The following GPATCH2L variants were observed in gnomAD, a reference collection of about 807,000 sequenced individuals.
GPATCH2L encodes the protein G patch domain-containing protein 2-like.
A neutral mutation model predicts 57.4 loss-of-function variants in GPATCH2L; 31 were observed. The ratio of observed to expected loss-of-function variants is 0.54; its 90% CI spans 0.41 to 0.73. The LOEUF (loss-of-function observed/expected upper bound fraction) is 0.73. Among genes scored for constraint, GPATCH2L ranks in the 30% least tolerant of loss-of-function variants. GPATCH2L has a pLI of 0.00. For synonymous variants in GPATCH2L, 199 were observed against 210.7 expected (o/e 0.94, Z 0.48); for missense variants, 481 against 599.9 (o/e 0.80, Z 2.07).
downstream of GPATCH2L, among the ~76,000 whole-genome samples, chr14:76,217,805 A>T (rs894274232): frequency 6.6e-6 from 1 of 152,204 alleles, no homozygotes; most frequent in African/African-American, 2.4e-5. Context: ...ACGTGAAAAG[A>T]TGCTCAACTT....
intron 3 of GPATCH2L, among the ~76,000 whole-genome samples, chr14:76,169,370 T>C (rs1189021741): frequency 1.3e-5 from 2 of 152,204 alleles, no homozygotes; most frequent in African/African-American, 2.4e-5. Context: ...AATAAATAAT[T>C]ATTTATAATC....
chr14:76,155,149 C>G (rs1316937142), intron 2 of GPATCH2L, 124 bp downstream of exon 2: 4 of 710,890 alleles, frequency 5.6e-6, no homozygotes, highest in African/African-American at 3.6e-5. Context: ...TTGAAGCCTT[C>G]CTTGAATCAA....
At chr14:76,168,144 C>G (rs1482248753) in intron 3 of GPATCH2L, among the ~76,000 whole-genome samples, 2 of 152,214 alleles carry the variant, frequency 1.3e-5, no homozygotes, top group Non-Finnish European at 2.9e-5. Context: ...GGATTTCTTG[C>G]TTCTCTGCCT....
intron 2 of GPATCH2L, among the ~76,000 whole-genome samples, chr14:76,165,938 G>T (rs2038815142): frequency 6.6e-6 from 1 of 152,214 alleles, no homozygotes; most frequent in African/African-American, 2.4e-5. Flanking sequence ...TAATACTGTA[G>T]AGGATTGAGA....
chr14:76,216,932 G>T (rs2040492510), downstream of GPATCH2L, among the ~76,000 whole-genome samples: 1 of 152,104 alleles, frequency 6.6e-6, no homozygotes, highest in Non-Finnish European at 1.5e-5. Context: ...GGAAAAGATG[G>T]ATTATAAAAA....
intron 8 of GPATCH2L, among the ~76,000 whole-genome samples, chr14:76,186,029 G>T (rs111463637): frequency 5.3e-5 from 8 of 151,906 alleles, no homozygotes; most frequent in Non-Finnish European, 8.8e-5. Context: ...GGTTGAATGG[G>T]GACCAAAATG....
rs1338908477 is a variant in GPATCH2L at position 76,205,074 on chromosome 14, A to T, written c.*3223A>T. The T allele has an allele frequency of 6.6e-6, 1 of 152,308 alleles. No individual in the cohort carries two copies. Among genetic ancestry groups the T allele is most frequent in the African/African-American group, 2.4e-5 (1 of 41,430 alleles). 9.4% of individuals were successfully genotyped at this position (152,308 alleles called of 1,614,324 possible). Reference sequence around the variant, plus strand: ...AACCTTGAACTCATAAGCTCAAGCCATCCTCCTGCCTCAGCCTCCTGAGTT... The same window carrying T: ...AACCTTGAACTCATAAGCTCAAGCCTTCCTCCTGCCTCAGCCTCCTGAGTT... On this transcript the variant is annotated 3_prime_UTR_variant, in exon 10 of 10. Transcript: ENST00000261530.
In GPATCH2L at chr14:76,160,311, A is replaced by G. The variant is rs929727658; in HGVS notation, c.662+5286A>G. On this transcript the variant is annotated intron_variant, in intron 2 of 9. Coordinates refer to ENST00000261530, the MANE Select transcript of GPATCH2L (RefSeq NM_017926.4). ...ATGCAGGGGCTTGCTATCTACCTTCAGGGCAGGCTCAGCACTTCTAACGTG... is the reference window on the plus strand; with the variant it reads ...ATGCAGGGGCTTGCTATCTACCTTCGGGGCAGGCTCAGCACTTCTAACGTG... Among the ~76,000 whole-genome samples, 9 of 152,202 alleles carry G rather than the reference A, an allele frequency of 5.9e-5. No homozygotes were observed. The East Asian group carries it at 9.6e-4, about 16-fold the overall frequency.
Position 76,171,890 on chromosome 14 carries a change from G to A in GPATCH2L, c.775G>A (p.Gly259Arg). The A allele has an allele frequency of 6.2e-7, 1 of 1,609,852 alleles. No homozygotes were observed. The highest frequency in any genetic ancestry group is 8.5e-7 in the Non-Finnish European group (1 of 1,177,078). The change falls in exon 4 of 10, where the codon GGA becomes AGA. Residue 259 changes from glycine to arginine, a missense_variant. This residue lies in a region of GPATCH2L where 25 missense variants were observed against 56.9 expected (regional missense o/e 0.44). Transcript: ENST00000261530. ...GTTCTATGAAGGAGAATGTGTCCCA[G>A]GATTCACTGTCCCTAATCTTCTGCC... The part of the protein sequence containing the change: ...DWFYEGECVP[G>R]FTVPNLLPKW...
intron 2 of GPATCH2L, among the ~76,000 whole-genome samples, chr14:76,156,846 T>C (rs2038331749): frequency 6.6e-6 from 1 of 152,254 alleles, no homozygotes; most frequent in Non-Finnish European, 1.5e-5. Context: ...GCCTGTTTTC[T>C]AGCATGAGAT....
intron 1 of GPATCH2L, among the ~76,000 whole-genome samples, chr14:76,222,588 C>T (rs895365838): frequency 3.3e-5 from 5 of 152,026 alleles, no homozygotes; most frequent in African/African-American, 1.2e-4. Flanking sequence ...GCCTGGACAA[C>T]CGGAGTGAGA....
In GPATCH2L at chr14:76,201,809, A is replaced by AT. The variant is rs762661668; in HGVS notation, c.1413dup (p.Lys472Ter). 8.1e-6 allele frequency: 13 copies of AT among 1,614,132 alleles called. 1 individual carries two copies. The South Asian group carries it at 1.1e-4, about 14-fold the overall frequency. ...AAGCCACAGACGCAACTACTGCTAC[A>AT]TTTTTTAAAATGCCACAAGAAAAGA... On this transcript the variant is annotated frameshift_variant, in exon 10 of 10. Transcript: ENST00000261530. LOFTEE classifies it high-confidence loss of function.
In GPATCH2L at chr14:76,213,712, G is replaced by A. The variant is rs930601439; in HGVS notation, c.*11861G>A. Reference sequence around the variant, plus strand: ...ACCTTTTTTAAAAAAAATAATTTTAGACTTAACAGAAAATCTGCAAAAATA... The same window carrying A: ...ACCTTTTTTAAAAAAAATAATTTTAAACTTAACAGAAAATCTGCAAAAATA... On this transcript the variant is annotated 3_prime_UTR_variant, in exon 10 of 10. Coordinates refer to ENST00000261530, the MANE Select transcript of GPATCH2L (RefSeq NM_017926.4). 7 of 152,118 alleles carry A rather than the reference G, an allele frequency of 4.6e-5. No individual in the cohort carries two copies. Among genetic ancestry groups the A allele is most frequent in the Non-Finnish European group, 8.8e-5 (6 of 68,024 alleles). The allele number at this position is 152,118 out of a possible 1,614,324, so 9.4% of individuals were successfully genotyped here.
At chr14:76,232,330 C>T (rs914041130) in intron 2 of GPATCH2L, among the ~76,000 whole-genome samples, 1 of 152,042 alleles carries the variant, frequency 6.6e-6, no homozygotes, top group Non-Finnish European at 1.5e-5. Context: ...GACAGAGTCT[C>T]ACTCTGTCTT....
intron 2 of GPATCH2L, among the ~76,000 whole-genome samples, chr14:76,157,238 CT>C (rs2038350977): frequency 1.3e-5 from 2 of 152,214 alleles, no homozygotes; most frequent in Admixed American, 6.5e-5. Context: ...TTTTTTCCCC[CT>C]GAATCCATTC....
chr14:76,210,725 T>C lies in GPATCH2L; in HGVS notation c.*8874T>C, dbSNP rs1404163977. 6.6e-6 allele frequency: 1 copy of C among 152,246 alleles called. No homozygotes were observed. Among genetic ancestry groups the C allele is most frequent in the East Asian group, 1.9e-4 (1 of 5,202 alleles). 9.4% of individuals were successfully genotyped at this position (152,246 alleles called of 1,614,324 possible). On this transcript the variant is annotated 3_prime_UTR_variant, in exon 10 of 10. Coordinates refer to ENST00000261530, the MANE Select transcript of GPATCH2L (RefSeq NM_017926.4). ...AACTGATTCCTAAGTGAGGGGGATA[T>C]GTGTTCTGAGATGTTAATGTTAGTG... is the stretch of plus-strand genomic sequence containing the variant.
At chr14:76,218,252 T>G (rs12589746), downstream of GPATCH2L, among the ~76,000 whole-genome samples, 60,121 of 151,954 alleles carry the variant, frequency 0.4, 14,461 homozygotes, top group South Asian at 0.56. Flanking sequence ...ATACAGAAAT[T>G]AGAAGAGAAG....
chr14:76,182,288 C>T (rs1259508527), intron 8 of GPATCH2L, among the ~76,000 whole-genome samples: 1 of 135,348 alleles, frequency 7.4e-6, no homozygotes, highest in African/African-American at 2.8e-5. Context: ...ACCCGGGAGG[C>T]GGAGCTTGCA....
chr14:76,173,722 C>T (rs558356363), intron 5 of GPATCH2L, 97 bp downstream of exon 5: 2 of 814,326 alleles, frequency 2.5e-6, no homozygotes, highest in East Asian at 4.9e-5. Context: ...ACAGAACTCC[C>T]TGAAGTTAAT....
Sources: gnomAD v4.1 joint callset for allele counts (sites outside exome capture counted in the v4.1 genomes callset) on GRCh38, gnomAD v4.1.1 for gene constraint, gnomAD v4.1.1 regional missense constraint, MANE v1.5 for transcripts, NCBI Gene and HGNC (gene_info 2026-07-23, HGNC 2026-07-21) for gene names.